The following BPHL variants were observed in gnomAD, a reference collection of about 807,000 sequenced individuals.
BPHL encodes the protein serine hydrolase BPHL.
BPHL carries 27 observed loss-of-function variants against 31.2 expected under a neutral mutation model. The ratio of observed to expected loss-of-function variants is 0.87; its 90% CI spans 0.64 to 1.19. The LOEUF (loss-of-function observed/expected upper bound fraction) is 1.19. Among genes scored for constraint, BPHL ranks in the 50% most tolerant of loss-of-function variants. The pLI, the probability that BPHL is intolerant of heterozygous loss-of-function variation, is 0.00. For synonymous variants in BPHL, 150 were observed against 146.8 expected, an observed-to-expected ratio of 1.02 and a Z score of -0.16; for missense variants, 356 against 375.7, an observed-to-expected ratio of 0.95 and a Z score of 0.43.
chr6:3,118,791 C>T lies in BPHL; in HGVS notation c.51C>T (p.Leu17=). The change falls in exon 1 of 7, where the codon CTC becomes CTT. Residue 17 remains leucine, a synonymous_variant. Coordinates refer to ENST00000380379, the MANE Select transcript of BPHL (RefSeq NM_004332.4). ...GRGVLRLRLL[L]SALKPGIHVP... ...GCGTGTTGCGCCTGCGGCTGCTTCT[C>T]TCAGCGCTGAAGCCCGGGATCCACG... 4 of 1,249,252 alleles carry T rather than the reference C, an allele frequency of 3.2e-6. No homozygotes were observed. The highest frequency in any genetic ancestry group is 4.0e-6 in the Non-Finnish European group (4 of 993,318). 77.4% of individuals were successfully genotyped at this position (1,249,252 alleles called of 1,614,324 possible).
At chr6:3,130,823 T>C (rs190754260) in intron 4 of BPHL, among the ~76,000 whole-genome samples, 28 of 152,342 alleles carry the variant, frequency 1.8e-4, no homozygotes, top group African/African-American at 6.5e-4. Flanking sequence ...AGAATTGTAG[T>C]TCTTCACAGT....
chr6:3,130,844 T>C (rs1004588071), intron 4 of BPHL, among the ~76,000 whole-genome samples: 7 of 152,198 alleles, frequency 4.6e-5, no homozygotes, highest in African/African-American at 1.7e-4. Flanking sequence ...CTTTCTGTTT[T>C]TTAAATGAAT....
chr6:3,127,032 A>C, intron 2 of BPHL: 1 of 377,358 alleles, frequency 2.7e-6, no homozygotes, highest in East Asian at 3.9e-5. Flanking sequence ...CGGCCTCCCA[A>C]AGTGCTAGGA....
intron 6 of BPHL, among the ~76,000 whole-genome samples, chr6:3,150,832 G>C (rs888795493): frequency 1.3e-5 from 2 of 152,206 alleles, no homozygotes; most frequent in South Asian, 4.1e-4. Flanking sequence ...ACCCTTAAAA[G>C]ATATCAAGGA....
chr6:3,123,014 A>G (rs1380770996), intron 1 of BPHL, among the ~76,000 whole-genome samples: 1 of 152,228 alleles, frequency 6.6e-6, no homozygotes, highest in Non-Finnish European at 1.5e-5. Flanking sequence ...GCCAGCCTGC[A>G]CTTGAGGACC....
intron 6 of BPHL, among the ~76,000 whole-genome samples, chr6:3,141,637 A>G (rs1762180704): frequency 6.6e-6 from 1 of 151,956 alleles, no homozygotes; most frequent in Non-Finnish European, 1.5e-5. Context: ...AAGTGCTGGG[A>G]TTACAGGCAT....
At chr6:3,131,879 C>T (rs1018649410) in intron 4 of BPHL, among the ~76,000 whole-genome samples, 2 of 152,182 alleles carry the variant, frequency 1.3e-5, no homozygotes, top group Admixed American at 6.5e-5. Flanking sequence ...TCTGGGATGG[C>T]GTCCCGGAGC....
At chr6:3,132,507 C>T (rs1761901481) in intron 4 of BPHL, among the ~76,000 whole-genome samples, 1 of 152,166 alleles carries the variant, frequency 6.6e-6, no homozygotes. Flanking sequence ...ACTCCCAAAC[C>T]CCACATGTTC....
chr6:3,137,214 C>A, intron 4 of BPHL, 148 bp from the exon 5 acceptor site: 1 of 1,070,522 alleles, frequency 9.3e-7, no homozygotes, highest in Non-Finnish European at 1.3e-6. Context: ...GCAACCAGGG[C>A]TAAGCCGAGC....
In BPHL at chr6:3,126,920, CAT is replaced by C. The variant is rs1491286172; in HGVS notation, c.212-321_212-320del. On this transcript the variant is annotated intron_variant, in intron 2 of 6. Transcript: ENST00000380379. Reference sequence around the variant, plus strand: ...AGGCGCACACCGCCATGCCCGGCTACATTTTTTTTTTTTTTTTTTTTTTGTAT... The same window carrying C: ...AGGCGCACACCGCCATGCCCGGCTACTTTTTTTTTTTTTTTTTTTTTGTAT... 9.2e-4 allele frequency: 127 copies of C among 138,406 alleles called. 3 individuals are homozygous for C. In the East Asian group the frequency reaches 0.017, roughly 19 times the overall value. 8.6% of individuals were successfully genotyped at this position (138,406 alleles called of 1,614,324 possible).
intron 3 of BPHL, 28 bp downstream of exon 3, chr6:3,127,436 A>G: frequency 6.7e-7 from 1 of 1,503,360 alleles, no homozygotes. Context: ...GGGCCAGGGG[A>G]GGAAGGGTGG....
In BPHL at chr6:3,153,429, T is replaced by G; in HGVS notation, c.*854T>G. Reference sequence around the variant, plus strand: ...CCATATCCCTCTCCTGGTTCACTTTTGAGAGATGAATACTTTGGGCCAGTA... The same window carrying G: ...CCATATCCCTCTCCTGGTTCACTTTGGAGAGATGAATACTTTGGGCCAGTA... On this transcript the variant is annotated 3_prime_UTR_variant, in exon 7 of 7. Transcript: ENST00000380379. 1 of 243,810 alleles carries G rather than the reference T, an allele frequency of 4.1e-6. No individual in the cohort carries two copies. The highest frequency in any genetic ancestry group is 5.6e-5 in the South Asian group (1 of 18,012). The allele number at this position is 243,810 out of a possible 1,614,324, so 15.1% of individuals were successfully genotyped here.
At chr6:3,147,262 A>AAAAT (rs950202633) in intron 6 of BPHL, among the ~76,000 whole-genome samples, 7 of 152,068 alleles carry the variant, frequency 4.6e-5, no homozygotes, top group Non-Finnish European at 7.3e-5. Context: ...CCCCACCTGA[A>AAAAT]AAATAAATAA....
chr6:3,130,590 C>G (rs1166358231), intron 4 of BPHL, among the ~76,000 whole-genome samples: 2 of 152,190 alleles, frequency 1.3e-5, no homozygotes, highest in Non-Finnish European at 2.9e-5. Context: ...ACACTTAGGA[C>G]TAGGTGGGTC....
chr6:3,141,516 C>G lies in BPHL; in HGVS notation c.788+1007C>G, dbSNP rs772944171. On this transcript the variant is annotated intron_variant, in intron 6 of 6. Transcript: ENST00000380379. Reference sequence around the variant, plus strand: ...CCAAATAGGTGGGATTACAGGTGTGCGCCACCACGCCCAGCTAATTTTTTG... The same window carrying G: ...CCAAATAGGTGGGATTACAGGTGTGGGCCACCACGCCCAGCTAATTTTTTG... Among the ~76,000 whole-genome samples the G allele has an allele frequency of 2.6e-5, 4 of 152,138 alleles. No homozygotes were observed. In the South Asian group the frequency reaches 8.3e-4, roughly 32 times the overall value.
intron 6 of BPHL, among the ~76,000 whole-genome samples, chr6:3,146,935 A>C (rs190721264): frequency 6.9e-6 from 1 of 145,222 alleles, no homozygotes; most frequent in South Asian, 2.2e-4. Context: ...TGCTGGATGT[A>C]ATATTTCTGT....
chr6:3,134,894 G>T (rs928269299), intron 4 of BPHL, among the ~76,000 whole-genome samples: 1 of 151,866 alleles, frequency 6.6e-6, no homozygotes. Context: ...GAACCACCGC[G>T]CCTGGCCAAT....
At chr6:3,137,904 C>A in intron 5 of BPHL, 4 of 992,254 alleles carry the variant, frequency 4.0e-6, no homozygotes, top group South Asian at 1.4e-5. Context: ...TGTCTCCCCA[C>A]GAGGACACTG....
intron 1 of BPHL, among the ~76,000 whole-genome samples, chr6:3,122,454 G>A (rs924154935): frequency 9.8e-5 from 15 of 152,348 alleles, no homozygotes; most frequent in African/African-American, 3.6e-4. Context: ...GGCTGATGGA[G>A]CCTGGTCCTG....
Sources: allele counts gnomAD v4.1 joint callset (sites outside exome capture counted in the v4.1 genomes callset), GRCh38; gene constraint gnomAD v4.1.1; transcripts MANE v1.5; gene names NCBI Gene and HGNC (gene_info 2026-07-23, HGNC 2026-07-21).